The following GMDS variants were observed in gnomAD, a reference collection of about 807,000 sequenced individuals.
GMDS encodes the protein GDP-mannose 4,6-dehydratase.
Under a neutral mutation model 49.9 loss-of-function variants are expected in GMDS, and 20 were observed. That is an observed-to-expected ratio of 0.40 (90% CI 0.28 to 0.58). The LOEUF (loss-of-function observed/expected upper bound fraction) is 0.58. Among genes scored for constraint, GMDS ranks in the 20% least tolerant of loss-of-function variants. GMDS has a pLI of 0.42. For synonymous variants in GMDS, 177 were observed against 178.6 expected (o/e 0.99, Z 0.07); for missense variants, 362 against 481.4 (o/e 0.75, Z 2.32).
chr6:2,034,230 A>T (rs1259232304), intron 4 of GMDS, among the ~76,000 whole-genome samples: 1 of 152,144 alleles, frequency 6.6e-6, no homozygotes, highest in East Asian at 1.9e-4. Flanking sequence ...GCCACATATC[A>T]TCTCTGTTGT....
chr6:2,066,105 G>T (rs1771571659), intron 4 of GMDS, among the ~76,000 whole-genome samples: 1 of 151,954 alleles, frequency 6.6e-6, no homozygotes, highest in Non-Finnish European at 1.5e-5. Context: ...AGAGAGTGGG[G>T]GCCAATATTC....
At chr6:1,825,076 C>G (rs1012990588) in intron 7 of GMDS, among the ~76,000 whole-genome samples, 1 of 152,210 alleles carries the variant, frequency 6.6e-6, no homozygotes, top group Non-Finnish European at 1.5e-5. Flanking sequence ...GGTGGAAGAA[C>G]TACAGAGATG....
chr6:1,771,468 A>T (rs1768573731), intron 7 of GMDS, among the ~76,000 whole-genome samples: 1 of 152,342 alleles, frequency 6.6e-6, no homozygotes, highest in African/African-American at 2.4e-5. Context: ...GCACAAGAAA[A>T]GGAGTGTGAA....
intron 7 of GMDS, among the ~76,000 whole-genome samples, chr6:1,817,283 C>T (rs1017030809): frequency 1.3e-5 from 2 of 151,964 alleles, no homozygotes; most frequent in Admixed American, 6.6e-5. Context: ...AAATAGACTT[C>T]CTTAATGATT....
At chr6:1,692,073 T>G (rs1272230859) in intron 9 of GMDS, among the ~76,000 whole-genome samples, 1 of 152,226 alleles carries the variant, frequency 6.6e-6, no homozygotes, top group East Asian at 1.9e-4. Flanking sequence ...AAGGGCAGAC[T>G]TGCTGAGCCT....
intron 7 of GMDS, among the ~76,000 whole-genome samples, chr6:1,895,533 T>C (rs1202285333): frequency 6.6e-6 from 1 of 152,236 alleles, no homozygotes; most frequent in African/African-American, 2.4e-5. Flanking sequence ...CACACTCAAG[T>C]GCTCAATACA....
chr6:2,147,916 C>G (rs185709492), intron 1 of GMDS, among the ~76,000 whole-genome samples: 2 of 150,772 alleles, frequency 1.3e-5, no homozygotes, highest in Admixed American at 6.6e-5. Flanking sequence ...AGATGTGTTG[C>G]TGACAAGTTG....
chr6:1,965,033 G>A (rs1007578054), intron 4 of GMDS, among the ~76,000 whole-genome samples: 3 of 145,368 alleles, frequency 2.1e-5, no homozygotes, highest in African/African-American at 7.7e-5. Flanking sequence ...AGTATTCCAT[G>A]GTGTATATGT....
chr6:1,929,711 T>G (rs1202271013), intron 7 of GMDS, among the ~76,000 whole-genome samples: 1 of 152,182 alleles, frequency 6.6e-6, no homozygotes, highest in East Asian at 1.9e-4. Context: ...TAGAATAATG[T>G]AAGTCCAAGA....
At chr6:2,001,744 G>A (rs1766829654) in intron 4 of GMDS, among the ~76,000 whole-genome samples, 1 of 152,154 alleles carries the variant, frequency 6.6e-6, no homozygotes, top group African/African-American at 2.4e-5. Context: ...ATGTGTCTAG[G>A]ATCGACTGAT....
chr6:1,743,527 A>AG (rs1451100260), intron 7 of GMDS, among the ~76,000 whole-genome samples: 13 of 126,648 alleles, frequency 1.0e-4, no homozygotes, highest in Non-Finnish European at 1.7e-4. Flanking sequence ...TGGACGACAG[A>AG]ACCAGACTCC....
intron 4 of GMDS, among the ~76,000 whole-genome samples, chr6:2,003,422 G>C (rs1193697207): frequency 1.3e-5 from 2 of 152,098 alleles, no homozygotes; most frequent in Non-Finnish European, 2.9e-5. Context: ...CAAGCGAAAT[G>C]ACTAGTGTAA....
chr6:1,882,819 A>T (rs936277665), intron 7 of GMDS, among the ~76,000 whole-genome samples: 1 of 152,208 alleles, frequency 6.6e-6, no homozygotes, highest in Non-Finnish European at 1.5e-5. Context: ...TAGAAAACTC[A>T]TGGGTTATCC....
intron 9 of GMDS, among the ~76,000 whole-genome samples, chr6:1,638,374 T>C (rs758742459): frequency 5.3e-5 from 8 of 152,198 alleles, no homozygotes; most frequent in Non-Finnish European, 7.4e-5. Flanking sequence ...TTGATTTGGT[T>C]AATTAACGTA....
chr6:2,035,576 C>T (rs1428581206), intron 4 of GMDS, among the ~76,000 whole-genome samples: 1 of 152,124 alleles, frequency 6.6e-6, no homozygotes. Context: ...TAAATAAAAG[C>T]TCAAATTTGT....
intron 9 of GMDS, among the ~76,000 whole-genome samples, chr6:1,656,590 C>T (rs1240804277): frequency 6.6e-6 from 1 of 151,922 alleles, no homozygotes; most frequent in Non-Finnish European, 1.5e-5. Flanking sequence ...GGTGAAACCC[C>T]GTCTCTACTA....
At chr6:2,243,840 CTTCTTTTTTTTTTTTTTT>C (rs1781727016) in intron 1 of GMDS, among the ~76,000 whole-genome samples, 1 of 127,128 alleles carries the variant, frequency 7.9e-6, no homozygotes, top group African/African-American at 3.4e-5. Flanking sequence ...TCAACTTCTC[CTTCTTTTTTTTTTTTTTT>C]TTTTTTTTTT....
chr6:2,143,173 C>T (rs1475815603), intron 1 of GMDS, among the ~76,000 whole-genome samples: 1 of 152,212 alleles, frequency 6.6e-6, no homozygotes, highest in Non-Finnish European at 1.5e-5. Context: ...ACTAATCTCA[C>T]AGGTCCTATG....
intron 4 of GMDS, among the ~76,000 whole-genome samples, chr6:2,106,849 C>T (rs928656669): frequency 6.9e-6 from 1 of 145,456 alleles, no homozygotes; most frequent in Non-Finnish European, 1.5e-5. Flanking sequence ...GGCGACAGAG[C>T]GAGACTCTGT....
Sources: allele counts gnomAD v4.1 joint callset (sites outside exome capture counted in the v4.1 genomes callset), GRCh38; gene constraint gnomAD v4.1.1; transcripts MANE v1.5; gene names NCBI Gene and HGNC (gene_info 2026-07-23, HGNC 2026-07-21).